Variants in STAT4 observed in about 807,000 individuals in gnomAD.
STAT4 encodes the protein signal transducer and activator of transcription 4.
STAT4 carries 42 observed loss-of-function variants against 110.5 expected under a neutral mutation model. The ratio of observed to expected loss-of-function variants is 0.38; its 90% CI spans 0.30 to 0.49. The LOEUF is 0.49. Among genes scored for constraint, STAT4 ranks in the 20% least tolerant of loss-of-function variants. STAT4 has a pLI of 0.95. For synonymous variants in STAT4, 284 were observed against 302.2 expected (o/e 0.94, Z 0.63); for missense variants, 632 against 887.9 (o/e 0.71, Z 3.66).
chr2:191,036,709 C>A (rs1284855120), intron 16 of STAT4, among the ~76,000 whole-genome samples: 1 of 152,176 alleles, frequency 6.6e-6, no homozygotes, highest in African/African-American at 2.4e-5. Flanking sequence ...TAAACTTTCA[C>A]TCCTGCTCTG....
In STAT4 at chr2:191,138,715, G is replaced by C. The variant is rs1321184824; in HGVS notation, c.273+7898C>G. ...TGGTACCAGTCCCACTGAAACTATT[G>C]CAAAAGATAGTGAAAGAGGGAATTC... On this transcript the variant is annotated intron_variant, in intron 3 of 23. Coordinates refer to ENST00000392320, the MANE Select transcript of STAT4 (RefSeq NM_003151.4). This position sits in a 1 kb window ranked among gnomAD's most constrained non-coding sequence, Gnocchi z 4.3. Among the ~76,000 whole-genome samples the C allele has an allele frequency of 2.6e-5, 4 of 152,078 alleles. No individual in the cohort carries two copies. Among genetic ancestry groups the C allele is most frequent in the African/African-American group, 9.7e-5 (4 of 41,410 alleles).
rs1695851587 is a variant in STAT4, at chr2:191,030,270, T to A, written c.2221-404A>T. ...ACTAAAAGCCAGCCAGATAAAAATT[T>A]TTTGAGGCTTAGGGTCTCTCCAAGT... On this transcript the variant is annotated intron_variant, in intron 23 of 23. Coordinates refer to ENST00000392320, the MANE Select transcript of STAT4 (RefSeq NM_003151.4). This position sits in a 1 kb window ranked among gnomAD's most constrained non-coding sequence, Gnocchi z 4.4. 1.3e-5 allele frequency among the ~76,000 whole-genome samples: 2 copies of A among 152,222 alleles called. No individual in the cohort carries two copies. The highest frequency in any genetic ancestry group is 6.5e-5 in the Admixed American group (1 of 15,280).
intron 17 of STAT4, 133 bp from the exon 18 acceptor site, chr2:191,034,730 G>C: frequency 1.4e-6 from 1 of 689,892 alleles, no homozygotes; most frequent in Non-Finnish European, 2.7e-6. Flanking sequence ...AATGTACTGA[G>C]TGCTAGGTAC....
chr2:191,116,289 T>TCAGAGAA lies in STAT4; in HGVS notation c.273+30323_273+30324insTTCTCTG, dbSNP rs1262500161. On this transcript the variant is annotated intron_variant, in intron 3 of 23. Coordinates refer to ENST00000392320, the MANE Select transcript of STAT4 (RefSeq NM_003151.4). This position sits in a 1 kb window ranked among gnomAD's most constrained non-coding sequence, Gnocchi z 4.1. ...ATACGACACCACCTTCTCTGCAGAA[T>TCAGAGAA]CATATCACCTGTACATTTCATCCTA... Among the ~76,000 whole-genome samples the TCAGAGAA allele has an allele frequency of 2.0e-5, 3 of 152,170 alleles. No homozygotes were observed. In the East Asian group the frequency reaches 5.8e-4, roughly 29 times the overall value.
intron 3 of STAT4, among the ~76,000 whole-genome samples, chr2:191,097,620 C>G (rs1361928376): frequency 6.6e-6 from 1 of 152,162 alleles, no homozygotes; most frequent in African/African-American, 2.4e-5. Context: ...AAAATTAATT[C>G]AAGATGGATT....
intron 3 of STAT4, among the ~76,000 whole-genome samples, chr2:191,088,848 G>A (rs1357970932): frequency 6.6e-6 from 1 of 152,172 alleles, no homozygotes; most frequent in Non-Finnish European, 1.5e-5. Flanking sequence ...TTCAACAAGT[G>A]GTGCTGGAAT....
chr2:191,106,298 G>C (rs1386230238), intron 3 of STAT4, among the ~76,000 whole-genome samples: 1 of 151,874 alleles, frequency 6.6e-6, no homozygotes, highest in Non-Finnish European at 1.5e-5. Flanking sequence ...TTTCGAACTT[G>C]GCAGAAGACA....
Position 191,033,455 on chromosome 2 carries a change from TAATTTCACATG to T in STAT4, c.1852+24_1852+34del, listed in dbSNP as rs1695957177. 1 of 1,582,136 alleles carries T rather than the reference TAATTTCACATG, an allele frequency of 6.3e-7. No individual in the cohort carries two copies. The highest frequency in any genetic ancestry group is 1.4e-5 in the African/African-American group (1 of 73,070). On this transcript the variant is annotated intron_variant, in intron 20 of 23. Coordinates refer to ENST00000392320, the MANE Select transcript of STAT4 (RefSeq NM_003151.4). This position sits in a 1 kb window ranked among gnomAD's most constrained non-coding sequence, Gnocchi z 6.9. ...TCCCAGTAACCAAATTTAAGAAAACTAATTTCACATGAATAAACATTAGTGAGTATATACCA... is the reference window on the plus strand; with the variant it reads ...TCCCAGTAACCAAATTTAAGAAAACTAATAAACATTAGTGAGTATATACCA...
At chr2:191,111,837 G>T (rs1485267659) in intron 3 of STAT4, among the ~76,000 whole-genome samples, 1 of 152,164 alleles carries the variant, frequency 6.6e-6, no homozygotes, top group Non-Finnish European at 1.5e-5. Flanking sequence ...TCAAGCCTGA[G>T]CAACAGGGAA....
At chr2:191,064,994 A>G in intron 7 of STAT4, 36 bp from the exon 8 acceptor site, 1 of 1,494,424 alleles carries the variant, frequency 6.7e-7, no homozygotes, top group South Asian at 1.3e-5. Flanking sequence ...AGAGTTTCAT[A>G]AGAAATAAGT....
At chr2:191,133,780 CT>C in intron 3 of STAT4, among the ~76,000 whole-genome samples, 2 of 151,806 alleles carry the variant, frequency 1.3e-5, no homozygotes, top group South Asian at 4.1e-4. Context: ...AATCATGCTT[CT>C]AGATATTTAT....
intron 3 of STAT4, among the ~76,000 whole-genome samples, chr2:191,136,007 A>AAAAG (rs1699170254): frequency 1.1e-5 from 1 of 94,152 alleles, no homozygotes; most frequent in Non-Finnish European, 2.4e-5. Flanking sequence ...GCATCTCAGA[A>AAAAG]AAAAAAAAAA....
Position 191,082,698 on chromosome 2 carries a change from A to C in STAT4, c.274-6373T>G, listed in dbSNP as rs1697519379. On this transcript the variant is annotated intron_variant, in intron 3 of 23. Transcript: ENST00000392320. The surrounding 1 kb of genome is among the most constrained non-coding windows in gnomAD (Gnocchi z 4.7). The stretch of plus-strand genomic sequence containing the variant: ...CACAGCCTTTCTATCTAATTTCCAA[A>C]TTTGACTTGTCATTAAAGAGTAACT... Among the ~76,000 whole-genome samples the C allele has an allele frequency of 6.6e-6, 1 of 152,158 alleles. No individual in the cohort carries two copies. Among genetic ancestry groups the C allele is most frequent in the Non-Finnish European group, 1.5e-5 (1 of 68,016 alleles).
At chr2:191,102,099 A>G (rs1698163180) in intron 3 of STAT4, among the ~76,000 whole-genome samples, 1 of 151,244 alleles carries the variant, frequency 6.6e-6, no homozygotes, top group Admixed American at 6.6e-5. Flanking sequence ...ATTTTAACCC[A>G]TTTATGCCTG....
In STAT4 at chr2:191,036,238, C is replaced by T. The variant is rs1282396345; in HGVS notation, c.1496G>A (p.Ser499Asn). The T allele has an allele frequency of 6.2e-7, 1 of 1,614,152 alleles. No individual in the cohort carries two copies. The change falls in exon 17 of 24, where the codon AGC becomes AAC. Residue 499 changes from serine to asparagine, a missense_variant. Transcript: ENST00000392320. ...ATLSQLLEVM[S>N]WQFSSYVGRG... ...ACCAACGTACGATGAAAACTGCCAG[C>T]TCATCACCTCCAGTAGTTGACTCAA...
In STAT4 at chr2:191,143,468, C is replaced by T. The variant is rs1433110977; in HGVS notation, c.273+3145G>A. Among the ~76,000 whole-genome samples the T allele has an allele frequency of 6.6e-6, 1 of 152,158 alleles. No homozygotes were observed. ...CTCCCCTTAAATAGGCCAAGGGCTG[C>T]TGAACGATGGTGTTTATTGCTTCCA... On this transcript the variant is annotated intron_variant, in intron 3 of 23. Transcript: ENST00000392320. The surrounding 1 kb of genome is among the most constrained non-coding windows in gnomAD (Gnocchi z 5.6).
rs1574720233 is a variant in STAT4 at position 191,062,322 on chromosome 2, C to T, written c.941+440G>A. On this transcript the variant is annotated intron_variant, in intron 9 of 23. Coordinates refer to ENST00000392320, the MANE Select transcript of STAT4 (RefSeq NM_003151.4). This position sits in a 1 kb window ranked among gnomAD's most constrained non-coding sequence, Gnocchi z 4.9. ...CCCCTTGCCTCAGCCTCCCAAGGTG[C>T]TGAGATTACAGGTGTGAGCCACCAT... Among the ~76,000 whole-genome samples, 1 of 152,122 alleles carries T rather than the reference C, an allele frequency of 6.6e-6. No individual in the cohort carries two copies. Among genetic ancestry groups the T allele is most frequent in the East Asian group, 1.9e-4 (1 of 5,192 alleles).
Position 191,086,354 on chromosome 2 carries a change from A to G in STAT4, c.274-10029T>C, listed in dbSNP as rs1697635489. Among the ~76,000 whole-genome samples, 1 of 152,198 alleles carries G rather than the reference A, an allele frequency of 6.6e-6. No individual in the cohort carries two copies. Among genetic ancestry groups the G allele is most frequent in the Non-Finnish European group, 1.5e-5 (1 of 68,030 alleles). On this transcript the variant is annotated intron_variant, in intron 3 of 23. Coordinates refer to ENST00000392320, the MANE Select transcript of STAT4 (RefSeq NM_003151.4). This position sits in a 1 kb window ranked among gnomAD's most constrained non-coding sequence, Gnocchi z 5.5. ...CACCCAATTCATACAACTATCTGCA[A>G]GCATAGATAAATCCTTGGCTGGGCT...
In STAT4 at chr2:191,039,558, T is replaced by C. The variant is rs188120696; in HGVS notation, c.1336-261A>G. Among the ~76,000 whole-genome samples, 125 of 152,336 alleles carry C rather than the reference T, an allele frequency of 8.2e-4. No individual in the cohort carries two copies. Among genetic ancestry groups the C allele is most frequent in the African/African-American group, 2.4e-3 (101 of 41,570 alleles). ...CAGCTTCCCAGTATCTCCCCTGACATTGCGGACACATTTATACTTTTTAAA... is the reference window on the plus strand; with the variant it reads ...CAGCTTCCCAGTATCTCCCCTGACACTGCGGACACATTTATACTTTTTAAA... On this transcript the variant is annotated intron_variant, in intron 15 of 23. Transcript: ENST00000392320. This position sits in a 1 kb window ranked among gnomAD's most constrained non-coding sequence, Gnocchi z 4.7.
Sources: gnomAD v4.1 joint callset for allele counts (sites outside exome capture counted in the v4.1 genomes callset) on GRCh38, gnomAD v4.1.1 for gene constraint, Gnocchi (gnomAD v3.1) non-coding constraint, MANE v1.5 for transcripts, NCBI Gene and HGNC (gene_info 2026-07-23, HGNC 2026-07-21) for gene names.